The following AGBL4 variants were observed in gnomAD, a reference collection of about 807,000 sequenced individuals.
AGBL4 encodes cytosolic carboxypeptidase 6.
A neutral mutation model predicts 66.4 loss-of-function variants in AGBL4; 58 were observed. The ratio of observed to expected loss-of-function variants is 0.87; its 90% CI spans 0.71 to 1.09. The LOEUF (loss-of-function observed/expected upper bound fraction) is 1.09, where lower values mean the gene tolerates loss of function less well. Among genes scored for constraint, AGBL4 ranks in the 50% least tolerant of loss-of-function variants. AGBL4 has a pLI of 0.00. For synonymous variants in AGBL4, 234 were observed against 222.9 expected, an observed-to-expected ratio of 1.05 and a Z score of -0.44; for missense variants, 579 against 631.0, an observed-to-expected ratio of 0.92 and a Z score of 0.88.
chr1:49,653,481 G>A (rs1275128967), intron 3 of AGBL4, among the ~76,000 whole-genome samples: 1 of 151,954 alleles, frequency 6.6e-6, no homozygotes, highest in African/African-American at 2.4e-5. Flanking sequence ...TGGATGAATT[G>A]GAAGAAGTAG....
rs571519931 is a variant in AGBL4 at position 49,617,783 on chromosome 1, C to T, written c.282+79530G>A. On this transcript the variant is annotated intron_variant, in intron 3 of 13. Coordinates refer to ENST00000371839, the MANE Select transcript of AGBL4 (RefSeq NM_032785.4). The stretch of plus-strand genomic sequence containing the variant: ...AGGAGATAAGAAAGAAAGATGTTAT[C>T]GGTATACAATTTTTGCTAAATAATA... Among the ~76,000 whole-genome samples the T allele has an allele frequency of 1.6e-4, 25 of 152,270 alleles. 2 individuals carry two copies. The South Asian group carries it at 4.6e-3, about 28-fold the overall frequency.
chr1:49,292,866 G>A (rs1644569144), intron 3 of AGBL4, among the ~76,000 whole-genome samples: 1 of 152,196 alleles, frequency 6.6e-6, no homozygotes, highest in Admixed American at 6.5e-5. Context: ...CCACTTGTCT[G>A]TGTACCTCAT....
chr1:48,751,537 G>A (rs1018045359), intron 6 of AGBL4, among the ~76,000 whole-genome samples: 18 of 152,186 alleles, frequency 1.2e-4, no homozygotes, highest in African/African-American at 4.3e-4. Flanking sequence ...TGCTGAGGTT[G>A]TTTTATATAT....
chr1:48,763,791 C>T (rs1644396780), intron 6 of AGBL4, among the ~76,000 whole-genome samples: 1 of 152,162 alleles, frequency 6.6e-6, no homozygotes, highest in Non-Finnish European at 1.5e-5. Context: ...TTTCAAAATG[C>T]AGATGAGAAA....
chr1:48,761,848 G>C (rs746440879), intron 6 of AGBL4, among the ~76,000 whole-genome samples: 20 of 152,140 alleles, frequency 1.3e-4, no homozygotes, highest in Non-Finnish European at 2.6e-4. Flanking sequence ...ACTCAACTGA[G>C]ATCTTTCTAA....
intron 6 of AGBL4, among the ~76,000 whole-genome samples, chr1:48,724,681 C>CTATT (rs1647203893): frequency 6.6e-6 from 1 of 152,110 alleles, no homozygotes; most frequent in South Asian, 2.1e-4. Context: ...GGGGTATTTC[C>CTATT]TATTTTTGGC....
intron 3 of AGBL4, among the ~76,000 whole-genome samples, chr1:49,646,882 C>A (rs1236887048): frequency 6.6e-6 from 1 of 151,676 alleles, no homozygotes; most frequent in African/African-American, 2.4e-5. Flanking sequence ...ATGTAAATGG[C>A]CTTCAACAAA....
intron 6 of AGBL4, among the ~76,000 whole-genome samples, chr1:48,733,785 T>G (rs1047884637): frequency 6.6e-6 from 1 of 152,288 alleles, no homozygotes; most frequent in East Asian, 1.9e-4. Context: ...CAAAATTTGG[T>G]CAGGCGATCA....
intron 3 of AGBL4, among the ~76,000 whole-genome samples, chr1:49,284,699 C>CA (rs957699413): frequency 6.6e-6 from 1 of 151,328 alleles, no homozygotes; most frequent in Non-Finnish European, 1.5e-5. Context: ...AAATGGAAAA[C>CA]AAAAAAAGGC....
At chr1:48,895,946 T>C (rs1651466086) in intron 5 of AGBL4, among the ~76,000 whole-genome samples, 1 of 152,234 alleles carries the variant, frequency 6.6e-6, no homozygotes, top group African/African-American at 2.4e-5. Flanking sequence ...GGGACCGGTT[T>C]TACTATGTGA....
intron 11 of AGBL4, among the ~76,000 whole-genome samples, chr1:48,582,604 A>G (rs1644756391): frequency 6.6e-6 from 1 of 152,236 alleles, no homozygotes; most frequent in South Asian, 2.1e-4. Flanking sequence ...TGGGGCTGAG[A>G]CAAGTCAAGA....
intron 1 of AGBL4, among the ~76,000 whole-genome samples, chr1:49,933,882 A>G (rs1467645395): frequency 1.3e-5 from 2 of 152,178 alleles, no homozygotes; most frequent in African/African-American, 4.8e-5. Flanking sequence ...CAGACAGGAC[A>G]CAATTAAAAT....
At chr1:49,775,289 C>G (rs1644169009) in intron 2 of AGBL4, among the ~76,000 whole-genome samples, 1 of 152,092 alleles carries the variant, frequency 6.6e-6, no homozygotes, top group Non-Finnish European at 1.5e-5. Context: ...ATGGTATCTA[C>G]CTTGCAACAT....
intron 5 of AGBL4, among the ~76,000 whole-genome samples, chr1:48,907,344 A>T (rs1193676439): frequency 6.6e-6 from 1 of 152,236 alleles, no homozygotes; most frequent in Admixed American, 6.5e-5. Flanking sequence ...ATAGTAATAA[A>T]GTTTGAATAA....
chr1:49,335,662 C>T (rs1262458030), intron 3 of AGBL4, among the ~76,000 whole-genome samples: 2 of 151,964 alleles, frequency 1.3e-5, no homozygotes, highest in Non-Finnish European at 2.9e-5. Flanking sequence ...ACTACAGGCA[C>T]CCGCCACCAC....
intron 4 of AGBL4, among the ~76,000 whole-genome samples, chr1:49,213,646 C>A (rs1383735233): frequency 1.3e-5 from 2 of 152,152 alleles, no homozygotes; most frequent in African/African-American, 4.8e-5. Flanking sequence ...CCAATTAAAA[C>A]TCTTTTCTTT....
At chr1:48,586,936 A>T (rs373162857) in intron 11 of AGBL4, 68 bp downstream of exon 11, 2 of 1,595,702 alleles carry the variant, frequency 1.3e-6, no homozygotes, top group African/African-American at 2.7e-5. Context: ...CTAATTCCTG[A>T]CCTGTCAGAC....
chr1:48,981,186 A>C (rs1659737962), intron 5 of AGBL4, among the ~76,000 whole-genome samples: 1 of 152,332 alleles, frequency 6.6e-6, no homozygotes, highest in East Asian at 1.9e-4. Flanking sequence ...TTTTGTTACG[A>C]GGCCTGGGCC....
intron 3 of AGBL4, among the ~76,000 whole-genome samples, chr1:49,468,988 C>T (rs746191969): frequency 2.2e-4 from 33 of 151,856 alleles, no homozygotes; most frequent in Middle Eastern, 3.4e-3. Context: ...TCTCATCAAA[C>T]GACTTAGGTT....
Sources: allele counts gnomAD v4.1 joint callset (sites outside exome capture counted in the v4.1 genomes callset), GRCh38; gene constraint gnomAD v4.1.1; transcripts MANE v1.5; gene names NCBI Gene and HGNC (gene_info 2026-07-23, HGNC 2026-07-21).